The following NANS variants were observed in gnomAD, a reference collection of about 807,000 sequenced individuals.
NANS encodes the protein N-acetylneuraminate-9-phosphate synthase.
Under a neutral mutation model 33.3 loss-of-function variants are expected in NANS, and 29 were observed. The observed-to-expected ratio is 0.87, with a 90% confidence interval of 0.65 to 1.19. The LOEUF (loss-of-function observed/expected upper bound fraction) is 1.19. Among genes scored for constraint, NANS ranks in the 50% most tolerant of loss-of-function variants. The pLI, the probability that NANS is intolerant of heterozygous loss-of-function variation, is 0.00. For missense variants in NANS, 394 were observed against 461.1 expected (o/e 0.85, Z 1.33); for synonymous variants, 163 against 177.2 (o/e 0.92, Z 0.64).
intron 1 of NANS, among the ~76,000 whole-genome samples, chr9:98,057,732 T>C (rs1828866880): frequency 6.6e-6 from 1 of 152,148 alleles, no homozygotes; most frequent in African/African-American, 2.4e-5. Context: ...GCCTGCACTA[T>C]GATTCTTTGG....
In NANS at chr9:98,078,208, T is replaced by A; in HGVS notation, c.464T>A (p.Ile155Asn). The part of the protein sequence containing the change: ...KTAKKGRPMV[I>N]SSGMQSMDTM... Reference sequence around the variant, plus strand: ...GATTACTCAGGTCGCCCAATGGTGATCTCCAGTGGGATGCAGTCAATGGAC... The same window carrying A: ...GATTACTCAGGTCGCCCAATGGTGAACTCCAGTGGGATGCAGTCAATGGAC... Residue 155 changes from isoleucine (I) to asparagine (N), a missense_variant, in exon 4 of 6, where the codon ATC (isoleucine) becomes AAC (asparagine). By Grantham distance (149) the Ile-to-Asn change is moderately radical. Coordinates refer to ENST00000210444, the MANE Select transcript of NANS (RefSeq NM_018946.4). The A allele has an allele frequency of 6.2e-7, 1 of 1,614,160 alleles. No individual in the cohort carries two copies. The highest frequency in any genetic ancestry group is 8.5e-7 in the Non-Finnish European group (1 of 1,180,030).
intron 1 of NANS, among the ~76,000 whole-genome samples, chr9:98,060,453 G>T (rs1828941299): frequency 1.3e-5 from 2 of 152,202 alleles, no homozygotes; most frequent in Admixed American, 6.5e-5. Context: ...TGGATCACCT[G>T]AGGTCAGGAG....
chr9:98,067,306 T>C (rs954016262), intron 2 of NANS, among the ~76,000 whole-genome samples: 2 of 152,214 alleles, frequency 1.3e-5, no homozygotes, highest in African/African-American at 4.8e-5. Context: ...GGTAACTCTA[T>C]GTTTAACTTT....
intron 4 of NANS, among the ~76,000 whole-genome samples, chr9:98,079,440 A>C (rs1829748809): frequency 6.7e-6 from 1 of 149,654 alleles, no homozygotes; most frequent in Admixed American, 6.7e-5. Context: ...CCATAATATA[A>C]GCTTTCTTAC....
At chr9:98,059,845 C>A (rs1339521888) in intron 1 of NANS, among the ~76,000 whole-genome samples, 3 of 151,858 alleles carry the variant, frequency 2.0e-5, no homozygotes, top group Non-Finnish European at 4.4e-5. Context: ...TAACATGTAA[C>A]CTGTTCAAAG....
chr9:98,060,512 T>C (rs2131619325), intron 1 of NANS, among the ~76,000 whole-genome samples: 1 of 152,110 alleles, frequency 6.6e-6, no homozygotes, highest in Non-Finnish European at 1.5e-5. Flanking sequence ...TTACTAAAAA[T>C]AACAAAAATT....
intron 1 of NANS, 30 bp downstream of exon 1, chr9:98,056,970 T>G: frequency 1.9e-6 from 3 of 1,547,428 alleles, no homozygotes; most frequent in Non-Finnish European, 2.6e-6. Flanking sequence ...GACCCGGGAT[T>G]CGGGCGCCGG....
intron 1 of NANS, among the ~76,000 whole-genome samples, chr9:98,057,721 G>T (rs1297640109): frequency 2.6e-5 from 4 of 151,902 alleles, no homozygotes; most frequent in Non-Finnish European, 5.9e-5. Flanking sequence ...CATAAGGCCT[G>T]GCCTGCACTA....
At chr9:98,061,571 A>G (rs1290012340) in intron 2 of NANS, among the ~76,000 whole-genome samples, 1 of 150,272 alleles carries the variant, frequency 6.7e-6, no homozygotes, top group Non-Finnish European at 1.5e-5. Flanking sequence ...CACGAGGTCA[A>G]GAGATCAAGA....
At chr9:98,066,815 T>G (rs1210591594) in intron 2 of NANS, among the ~76,000 whole-genome samples, 1 of 152,146 alleles carries the variant, frequency 6.6e-6, no homozygotes, top group Non-Finnish European at 1.5e-5. Flanking sequence ...CCTGCCCAGC[T>G]AATTTTTGTA....
At chr9:98,080,681 A>G (rs1300441840) in intron 4 of NANS, 135 bp from the exon 5 acceptor site, 1 of 909,984 alleles carries the variant, frequency 1.1e-6, no homozygotes, top group Non-Finnish European at 1.6e-6. Flanking sequence ...AGAGGCTCAG[A>G]GAGCCTCAGT....
rs778409762 is a variant in NANS at position 98,080,818 on chromosome 9, A to C, written c.606A>C (p.Glu202Asp). 6.4e-7 allele frequency: 1 copy of C among 1,571,550 alleles called. No individual in the cohort carries two copies. The highest frequency in any genetic ancestry group is 8.7e-7 in the Non-Finnish European group (1 of 1,155,910). Residue 202 changes from glutamate to aspartate, a missense_variant and splice_region_variant, in exon 5 of 6, where the codon GAA becomes GAC. Physicochemically the swap from Glu to Asp is conservative, Grantham distance 45. Coordinates refer to ENST00000210444, the MANE Select transcript of NANS (RefSeq NM_018946.4). ...ATTTTTCTTTTTCCATTTTAAAGGA[A>C]TATCAGAAGCTCTTTCCTGACATTC... ...PEDVNLRVISEYQKLFPDIPI... is the reference protein window; with the variant it reads ...PEDVNLRVISDYQKLFPDIPI...
At chr9:98,057,175 C>T (rs994696732) in intron 1 of NANS, among the ~76,000 whole-genome samples, 2 of 152,254 alleles carry the variant, frequency 1.3e-5, no homozygotes, top group Non-Finnish European at 2.9e-5. Context: ...CCTCCCCGTT[C>T]TGGTGCCAGA....
At chr9:98,068,673 C>G (rs1457202996) in intron 2 of NANS, among the ~76,000 whole-genome samples, 6 of 149,294 alleles carry the variant, frequency 4.0e-5, no homozygotes, top group African/African-American at 1.2e-4. Context: ...AAAAGCCAGG[C>G]ATTGTGGTGT....
chr9:98,073,429 C>T (rs909927669), intron 2 of NANS, among the ~76,000 whole-genome samples: 2 of 151,694 alleles, frequency 1.3e-5, no homozygotes, highest in Admixed American at 6.6e-5. Flanking sequence ...GGATTACAGA[C>T]ACACACCAAC....
chr9:98,057,902 G>GTTTTTTTTTTTTTTCCTTTTTTTTTTT (rs1564154323), intron 1 of NANS, among the ~76,000 whole-genome samples: 1 of 93,230 alleles, frequency 1.1e-5, no homozygotes, highest in African/African-American at 4.2e-5. Flanking sequence ...TTCTCTTACT[G>GTTTTTTTTTTTTTTCCTTTTTTTTTTT]TTTTTTTTTT....
chr9:98,076,803 G>A (rs1829611548), intron 2 of NANS, 115 bp from the exon 3 acceptor site: 10 of 743,178 alleles, frequency 1.3e-5, no homozygotes, highest in South Asian at 1.0e-4. Context: ...GTTGCTGAGC[G>A]TCCCTCTACT....
At chr9:98,065,619 G>A (rs796584765) in intron 2 of NANS, among the ~76,000 whole-genome samples, 2 of 150,538 alleles carry the variant, frequency 1.3e-5, no homozygotes, top group Non-Finnish European at 2.9e-5. Context: ...GATTACAGGC[G>A]TAAGCCTCTG....
intron 2 of NANS, among the ~76,000 whole-genome samples, chr9:98,065,888 T>C (rs1308350087): frequency 6.6e-6 from 1 of 152,136 alleles, no homozygotes; most frequent in Non-Finnish European, 1.5e-5. Flanking sequence ...GCTGCTGCCA[T>C]GTAAGAAGTG....
Sources: gnomAD v4.1 joint callset for allele counts (sites outside exome capture counted in the v4.1 genomes callset) on GRCh38, gnomAD v4.1.1 for gene constraint, MANE v1.5 for transcripts, NCBI Gene and HGNC (gene_info 2026-07-23, HGNC 2026-07-21) for gene names.